MBTPS1: variants seen among roughly 807,000 people sequenced by gnomAD.
The protein encoded by MBTPS1 is membrane-bound transcription factor site-1 protease.
A neutral mutation model predicts 127.8 loss-of-function variants in MBTPS1; 94 were observed. That is an observed-to-expected ratio of 0.74 (90% confidence interval 0.62 to 0.87). The LOEUF (loss-of-function observed/expected upper bound fraction) is 0.87. Among genes scored for constraint, MBTPS1 ranks in the 40% least tolerant of loss-of-function variants. MBTPS1 has a pLI of 0.00. For missense variants in MBTPS1, 1,636 were observed against 1,353.2 expected (o/e 1.21, Z -3.28); for synonymous variants, 632 against 509.4 (o/e 1.24, Z -3.24).
intron 1 of MBTPS1, among the ~76,000 whole-genome samples, chr16:84,113,715 C>A (rs1249106734): frequency 6.6e-6 from 1 of 152,128 alleles, no homozygotes; most frequent in Non-Finnish European, 1.5e-5. Flanking sequence ...TTGTATCACC[C>A]GACAATCATC....
chr16:84,109,127 T>G (rs2086365104), intron 1 of MBTPS1, among the ~76,000 whole-genome samples: 1 of 152,178 alleles, frequency 6.6e-6, no homozygotes, highest in South Asian at 2.1e-4. Context: ...TAAAAGAACC[T>G]AGGCTCTTTG....
chr16:84,060,952 G>C (rs2085602085), intron 19 of MBTPS1, 139 bp from the exon 20 acceptor site: 2 of 736,522 alleles, frequency 2.7e-6, no homozygotes, highest in South Asian at 2.0e-5. Context: ...TCCTGCCTCA[G>C]CCTCCCAAGT....
chr16:84,092,842 C>G (rs573558760), intron 6 of MBTPS1, among the ~76,000 whole-genome samples: 1 of 152,310 alleles, frequency 6.6e-6, no homozygotes, highest in Non-Finnish European at 1.5e-5. Context: ...CACACTTATT[C>G]TATCTGCAAT....
Position 84,081,922 on chromosome 16 carries a change from C to A in MBTPS1, c.1287-14G>T, listed in dbSNP as rs2085948304. On this transcript the variant is annotated splice_polypyrimidine_tract_variant and intron_variant, in intron 10 of 22. Coordinates refer to ENST00000343411, the MANE Select transcript of MBTPS1 (RefSeq NM_003791.4). ...TTCTGGACTGTGCTGGAGGAAAAATCAAGAATTGCCTATTTTCTCTCAGTA... is the reference window on the plus strand; with the variant it reads ...TTCTGGACTGTGCTGGAGGAAAAATAAAGAATTGCCTATTTTCTCTCAGTA... The A allele has an allele frequency of 7.3e-7, 1 of 1,374,368 alleles. No individual in the cohort carries two copies. Among genetic ancestry groups the A allele is most frequent in the Non-Finnish European group, 9.5e-7 (1 of 1,052,368 alleles). The allele number at this position is 1,374,368 out of a possible 1,614,324, so 85.1% of individuals were successfully genotyped here. A position where few individuals can be genotyped will look rare whatever the true frequency, so the allele number is the denominator to read the frequency against.
chr16:84,091,668 C>T (rs2086108792), intron 7 of MBTPS1, 64 bp downstream of exon 7: 4 of 1,102,906 alleles, frequency 3.6e-6, no homozygotes, highest in Non-Finnish European at 5.6e-6. Flanking sequence ...AGATATGATG[C>T]AAAGTTGGGC....
At position 84,060,828 on chromosome 16, in the gene MBTPS1, A is replaced by T; in HGVS notation, c.2573-15T>A. The T allele has an allele frequency of 1.3e-6, 2 of 1,548,960 alleles. No homozygotes were observed. The highest frequency in any genetic ancestry group is 1.2e-5 in the South Asian group (1 of 81,400). On this transcript the variant is annotated splice_polypyrimidine_tract_variant and intron_variant, in intron 19 of 22. Coordinates refer to ENST00000343411, the MANE Select transcript of MBTPS1 (RefSeq NM_003791.4). ...CCAAAAGCAGTCTGCGAAGTCAACAAGCCTGTTTAGGAATTCCTTTTTTTT... is the reference window on the plus strand; with the variant it reads ...CCAAAAGCAGTCTGCGAAGTCAACATGCCTGTTTAGGAATTCCTTTTTTTT...
intron 11 of MBTPS1, among the ~76,000 whole-genome samples, chr16:84,081,175 C>T (rs74032489): frequency 0.16 from 24,219 of 152,204 alleles, 2,100 homozygotes; most frequent in East Asian, 0.27. Context: ...TGAGGGAAAG[C>T]TGGGTGAAGG....
At chr16:84,104,795 G>A (rs1041939003) in intron 1 of MBTPS1, among the ~76,000 whole-genome samples, 5 of 152,058 alleles carry the variant, frequency 3.3e-5, no homozygotes, top group South Asian at 2.1e-4. Flanking sequence ...GGCCAGGCGC[G>A]GTGGCTCACA....
intron 2 of MBTPS1, among the ~76,000 whole-genome samples, chr16:84,100,999 C>CAAAAAAAAAAAAA (rs562200642): frequency 2.9e-5 from 2 of 68,552 alleles, no homozygotes; most frequent in African/African-American, 5.6e-5. Flanking sequence ...ACTAAAAATA[C>CAAAAAAAAAAAAA]AAAAAAAAAA....
At chr16:84,100,962 T>A (rs2086245020) in intron 2 of MBTPS1, among the ~76,000 whole-genome samples, 1 of 136,038 alleles carries the variant, frequency 7.4e-6, no homozygotes, top group Non-Finnish European at 1.5e-5. Context: ...AAGACCAGCC[T>A]GGCTAACATG....
chr16:84,093,038 G>A (rs1040139302), intron 6 of MBTPS1, 150 bp downstream of exon 6: 3 of 644,670 alleles, frequency 4.7e-6, no homozygotes, highest in Non-Finnish European at 8.4e-6. Flanking sequence ...GGAGGCAGAG[G>A]AACAGTAAAC....
intron 1 of MBTPS1, among the ~76,000 whole-genome samples, chr16:84,113,067 T>A (rs1469397432): frequency 6.6e-6 from 1 of 152,110 alleles, no homozygotes; most frequent in Non-Finnish European, 1.5e-5. Flanking sequence ...ATTTTATTTG[T>A]ATATATACTA....
chr16:84,095,936 TTC>T (rs1383560400), intron 3 of MBTPS1, 131 bp from the exon 4 acceptor site: 2 of 677,332 alleles, frequency 3.0e-6, no homozygotes, highest in Non-Finnish European at 5.1e-6. Flanking sequence ...TGGGATTATC[TTC>T]TTTTTCTGGA....
chr16:84,066,525 G>A lies in MBTPS1; in HGVS notation c.2317C>T (p.Leu773=), dbSNP rs1271631841. ...SVWNMGFSDG[L]YEGEFTLANH... is the part of the protein sequence containing the mutation. ...GCCAGGGTGAACTCCCCTTCATACAGGCCATCGCTGAACCCCATGTTCCAC... is the reference window on the plus strand; with the variant it reads ...GCCAGGGTGAACTCCCCTTCATACAAGCCATCGCTGAACCCCATGTTCCAC... The change falls in exon 17 of 23, where the codon CTG becomes TTG. Residue 773 remains leucine, a synonymous_variant. Transcript: ENST00000343411. 1.2e-6 allele frequency: 2 copies of A among 1,614,014 alleles called. No individual in the cohort carries two copies. Among genetic ancestry groups the A allele is most frequent in the Admixed American group, 1.7e-5 (1 of 60,000 alleles).
chr16:84,102,557 A>G (rs1284787681), intron 1 of MBTPS1, among the ~76,000 whole-genome samples: 3 of 152,190 alleles, frequency 2.0e-5, no homozygotes, highest in Non-Finnish European at 4.4e-5. Context: ...ACTGGACCTG[A>G]GCATTCTAGC....
intron 10 of MBTPS1, among the ~76,000 whole-genome samples, chr16:84,082,579 T>G (rs2085957622): frequency 6.6e-6 from 1 of 152,140 alleles, no homozygotes; most frequent in Admixed American, 6.5e-5. Flanking sequence ...CATTTTTGTG[T>G]ATTTATGTAT....
At chr16:84,115,315 A>G (rs2086458958) in intron 1 of MBTPS1, among the ~76,000 whole-genome samples, 1 of 152,088 alleles carries the variant, frequency 6.6e-6, no homozygotes, top group Admixed American at 6.5e-5. Context: ...TCTGCATTGG[A>G]ATTTTCCCTT....
At chr16:84,067,606 T>C (rs2085704595) in intron 16 of MBTPS1, 61 bp downstream of exon 16, 3 of 1,302,840 alleles carry the variant, frequency 2.3e-6, no homozygotes, top group Admixed American at 3.6e-5. Context: ...CTTAAGTATT[T>C]GCTGGGTAGA....
intron 4 of MBTPS1, among the ~76,000 whole-genome samples, chr16:84,095,072 A>T (rs898539105): frequency 6.6e-6 from 1 of 152,214 alleles, no homozygotes; most frequent in African/African-American, 2.4e-5. Flanking sequence ...ACAGGACATG[A>T]TCATTAACAC....
Sources: allele counts gnomAD v4.1 joint callset (sites outside exome capture counted in the v4.1 genomes callset), GRCh38; gene constraint gnomAD v4.1.1; transcripts MANE v1.5; gene names NCBI Gene and HGNC (gene_info 2026-07-23, HGNC 2026-07-21).